EIF4E: variants seen among roughly 807,000 people sequenced by gnomAD.
The protein encoded by EIF4E is eIF-4F 25 kDa subunit.
For synonymous variants in EIF4E, 71 were observed against 88.5 expected (o/e 0.80, Z 1.11); for missense variants, 113 against 265.6 (o/e 0.43, Z 3.99).
In EIF4E at chr4:98,887,971, C is replaced by A; in HGVS notation, c.222-19G>T. On this transcript the variant is annotated intron_variant, in intron 3 of 6. Coordinates refer to ENST00000450253, the MANE Select transcript of EIF4E (RefSeq NM_001968.5). This position sits in a 1 kb window ranked among gnomAD's most constrained non-coding sequence, Gnocchi z 4.0. ...GTACAGACTAGGTAAAAGAAAATAA[C>A]AATTAAAAACACAGAATATGTAATA... 1 of 1,591,260 alleles carries A rather than the reference C, an allele frequency of 6.3e-7. No homozygotes were observed. The highest frequency in any genetic ancestry group is 8.6e-7 in the Non-Finnish European group (1 of 1,162,034).
chr4:98,904,318 CCT>C (rs1407584892), intron 1 of EIF4E, among the ~76,000 whole-genome samples: 1 of 152,122 alleles, frequency 6.6e-6, no homozygotes, highest in African/African-American at 2.4e-5. Flanking sequence ...AAGAAACAAT[CCT>C]CTTTCTCTCT....
chr4:98,881,764 T>C (rs1166468791), intron 6 of EIF4E, among the ~76,000 whole-genome samples: 1 of 152,200 alleles, frequency 6.6e-6, no homozygotes, highest in Non-Finnish European at 1.5e-5. Flanking sequence ...GAATGTAATT[T>C]CTGCTTTACA....
chr4:98,879,572 AAT>A lies in EIF4E; in HGVS notation c.*1454_*1455del, dbSNP rs1295102486. The A allele has an allele frequency of 6.6e-6, 1 of 152,144 alleles. No homozygotes were observed. Among genetic ancestry groups the A allele is most frequent in the Non-Finnish European group, 1.5e-5 (1 of 68,002 alleles). The allele number at this position is 152,144 out of a possible 1,614,324, so 9.4% of individuals were successfully genotyped here. On this transcript the variant is annotated 3_prime_UTR_variant, in exon 7 of 7. Transcript: ENST00000450253. ...CATACTACAACAATTTACCACTATAAATATGTCTTAACACCTGTTTATTCCAT... is the reference window on the plus strand; with the variant it reads ...CATACTACAACAATTTACCACTATAAATGTCTTAACACCTGTTTATTCCAT...
chr4:98,922,032 C>T (rs948528734), intron 1 of EIF4E, among the ~76,000 whole-genome samples: 7 of 152,278 alleles, frequency 4.6e-5, no homozygotes, highest in African/African-American at 9.6e-5. Context: ...AATGCCCACA[C>T]GTTTTATTTT....
At chr4:98,885,555 C>T (rs903826765) in intron 5 of EIF4E, among the ~76,000 whole-genome samples, 2 of 152,166 alleles carry the variant, frequency 1.3e-5, no homozygotes, top group African/African-American at 4.8e-5. Flanking sequence ...TCAAATGATC[C>T]TTCCACCTCA....
chr4:98,889,558 T>C (rs1266665239), intron 3 of EIF4E, among the ~76,000 whole-genome samples: 1 of 152,144 alleles, frequency 6.6e-6, no homozygotes, highest in African/African-American at 2.4e-5. Context: ...AAGGACTCAA[T>C]GGTTATCTGC....
intron 6 of EIF4E, among the ~76,000 whole-genome samples, chr4:98,884,222 C>T (rs916635009): frequency 2.0e-5 from 3 of 152,116 alleles, no homozygotes; most frequent in African/African-American, 7.2e-5. Flanking sequence ...CCAATAATCA[C>T]TGAATTATTA....
At chr4:98,888,208 AAC>A (rs1399715660) in intron 3 of EIF4E, among the ~76,000 whole-genome samples, 12 of 152,316 alleles carry the variant, frequency 7.9e-5, no homozygotes, top group Non-Finnish European at 7.4e-5. Context: ...TATGTTAGTT[AAC>A]TCAGTGCATA....
chr4:98,898,644 T>C (rs978859161), intron 2 of EIF4E, among the ~76,000 whole-genome samples: 1 of 152,162 alleles, frequency 6.6e-6, no homozygotes, highest in Admixed American at 6.5e-5. Flanking sequence ...ATAATTATTT[T>C]CATTACAAAA....
At chr4:98,896,217 A>ATAAAG (rs1724379626) in intron 2 of EIF4E, among the ~76,000 whole-genome samples, 1 of 151,646 alleles carries the variant, frequency 6.6e-6, no homozygotes, top group African/African-American at 2.4e-5. Context: ...ATAAAATAAA[A>ATAAAG]TAAAATAAGC....
intron 6 of EIF4E, among the ~76,000 whole-genome samples, chr4:98,883,473 A>G (rs965092459): frequency 7.5e-6 from 1 of 133,702 alleles, no homozygotes; most frequent in African/African-American, 2.8e-5. Flanking sequence ...ATCTTGGCTC[A>G]CTGCAAGCTC....
chr4:98,883,898 G>A (rs981847886), intron 6 of EIF4E, among the ~76,000 whole-genome samples: 3 of 151,824 alleles, frequency 2.0e-5, no homozygotes, highest in Non-Finnish European at 2.9e-5. Context: ...AAATAGCCAG[G>A]TGTGGTCATA....
At chr4:98,918,844 A>G (rs1006335668) in intron 1 of EIF4E, among the ~76,000 whole-genome samples, 3 of 152,238 alleles carry the variant, frequency 2.0e-5, no homozygotes, top group South Asian at 4.1e-4. Context: ...ATAAATATAC[A>G]TATTTGCTGT....
rs1723598131 is a variant in EIF4E at position 98,879,775 on chromosome 4, G to C, written c.*1253C>G. 1.3e-5 allele frequency: 2 copies of C among 152,034 alleles called. No homozygotes were observed. The highest frequency in any genetic ancestry group is 6.6e-5 in the Admixed American group (1 of 15,260). The allele number at this position is 152,034 out of a possible 1,614,324, so 9.4% of individuals were successfully genotyped here. ...ATGCATCAGATCCCAATTCTCATGAGTATTAACATATTAAGAGAGTACATT... is the reference window on the plus strand; with the variant it reads ...ATGCATCAGATCCCAATTCTCATGACTATTAACATATTAAGAGAGTACATT... On this transcript the variant is annotated 3_prime_UTR_variant, in exon 7 of 7. Coordinates refer to ENST00000450253, the MANE Select transcript of EIF4E (RefSeq NM_001968.5).
chr4:98,888,045 A>G (rs1723996448), intron 3 of EIF4E, 93 bp from the exon 4 acceptor site: 1 of 1,070,392 alleles, frequency 9.3e-7, no homozygotes, highest in Middle Eastern at 3.1e-4. Flanking sequence ...TATGATGAAA[A>G]TAAACAGATA....
chr4:98,896,068 C>T (rs7671306), intron 2 of EIF4E, among the ~76,000 whole-genome samples: 19,284 of 151,560 alleles, frequency 0.13, 1,372 homozygotes, highest in East Asian at 0.19. Context: ...TGGTGGCACG[C>T]GCCTGTAGTC....
chr4:98,907,379 G>C (rs1252436938), intron 1 of EIF4E, among the ~76,000 whole-genome samples: 1 of 152,044 alleles, frequency 6.6e-6, no homozygotes, highest in Non-Finnish European at 1.5e-5. Flanking sequence ...ATAGCATTGA[G>C]CTGCAACTAT....
intron 2 of EIF4E, chr4:98,895,505 G>C (rs1724342470): frequency 6.6e-6 from 1 of 152,132 alleles, no homozygotes; most frequent in Non-Finnish European, 1.5e-5. Context: ...GTTGTCTGAA[G>C]AGCCTTCCAA....
chr4:98,885,570 C>A (rs752363691), intron 5 of EIF4E, among the ~76,000 whole-genome samples: 4 of 152,104 alleles, frequency 2.6e-5, no homozygotes, highest in Non-Finnish European at 4.4e-5. Context: ...ACCTCAGCCT[C>A]CTGAGTAGGT....
Sources: gnomAD v4.1 joint callset for allele counts (sites outside exome capture counted in the v4.1 genomes callset) on GRCh38, gnomAD v4.1.1 for gene constraint, Gnocchi (gnomAD v3.1) non-coding constraint, MANE v1.5 for transcripts, NCBI Gene and HGNC (gene_info 2026-07-23, HGNC 2026-07-21) for gene names.